GRID2: variants seen among roughly 807,000 people sequenced by gnomAD.
GRID2 encodes the protein glutamate receptor ionotropic, delta-2.
GRID2 carries 33 observed loss-of-function variants against 114.8 expected under a neutral mutation model. The ratio of observed to expected loss-of-function variants is 0.29; its 90% CI spans 0.22 to 0.38. GRID2 has a LOEUF of 0.38. Among genes scored for constraint, GRID2 ranks in the 10% least tolerant of loss-of-function variants. GRID2 has a pLI of 1.00. For synonymous variants in GRID2, 505 were observed against 449.9 expected, an observed-to-expected ratio of 1.12 and a Z score of -1.55; for missense variants, 1,184 against 1,257.7, an observed-to-expected ratio of 0.94 and a Z score of 0.89.
Position 93,644,169 on chromosome 4 carries a change from G to A in GRID2, c.2360+17734G>A, listed in dbSNP as rs957562608. ...TGAGGCAATGCCTCGCCCTGCTTCG[G>A]CTCGCGCACGGTGCGCACACACACT... On this transcript the variant is annotated intron_variant, in intron 14 of 15. Coordinates refer to ENST00000282020, the MANE Select transcript of GRID2 (RefSeq NM_001510.4). Among the ~76,000 whole-genome samples the A allele has an allele frequency of 3.4e-5, 3 of 88,464 alleles. 1 individual carries two copies. Among genetic ancestry groups the A allele is most frequent in the Non-Finnish European group, 6.5e-5 (3 of 45,954 alleles). The allele number at this position is 88,464 out of a possible 152,430, so 58.0% of individuals were successfully genotyped here.
At chr4:93,569,657 A>G (rs187035562) in intron 13 of GRID2, among the ~76,000 whole-genome samples, 4 of 152,322 alleles carry the variant, frequency 2.6e-5, no homozygotes, top group Admixed American at 2.6e-4. Flanking sequence ...TTACATTCTC[A>G]GGTCCCTACC....
At chr4:93,332,287 T>TGAGAGA (rs1201414685) in intron 8 of GRID2, among the ~76,000 whole-genome samples, 1 of 119,340 alleles carries the variant, frequency 8.4e-6, no homozygotes, top group African/African-American at 4.1e-5. Flanking sequence ...TGTGTGTGTG[T>TGAGAGA]GTGTGTGTGT....
At chr4:93,382,242 A>G (rs1196504535) in intron 8 of GRID2, among the ~76,000 whole-genome samples, 1 of 151,892 alleles carries the variant, frequency 6.6e-6, no homozygotes, top group East Asian at 1.9e-4. Flanking sequence ...TTGTATTTAG[A>G]GTTTACTGAG....
intron 2 of GRID2, among the ~76,000 whole-genome samples, chr4:92,669,510 C>A (rs780415693): frequency 6.6e-6 from 1 of 151,902 alleles, no homozygotes; most frequent in Non-Finnish European, 1.5e-5. Context: ...CTCTGACTTG[C>A]TGGGAAACAG....
chr4:92,827,675 A>C lies in GRID2; in HGVS notation c.244+237389A>C, dbSNP rs190747722. Among the ~76,000 whole-genome samples, 97 of 152,194 alleles carry C rather than the reference A, an allele frequency of 6.4e-4. 1 individual carries two copies. Among genetic ancestry groups the C allele is most frequent in the Non-Finnish European group, 9.9e-4 (67 of 67,964 alleles). The stretch of plus-strand genomic sequence containing the variant: ...GACTCACACTTAATTGTTGCATCTG[A>C]TGCCCTTAAGAGGGTACAAAGCAGT... On this transcript the variant is annotated intron_variant, in intron 2 of 15. Coordinates refer to ENST00000282020, the MANE Select transcript of GRID2 (RefSeq NM_001510.4).
At chr4:93,579,025 T>C (rs879315254) in intron 13 of GRID2, among the ~76,000 whole-genome samples, 1 of 152,228 alleles carries the variant, frequency 6.6e-6, no homozygotes, top group Non-Finnish European at 1.5e-5. Flanking sequence ...AGAAAATGTC[T>C]TTCCACTAGC....
At chr4:93,376,282 T>G (rs1763375091) in intron 8 of GRID2, among the ~76,000 whole-genome samples, 1 of 152,108 alleles carries the variant, frequency 6.6e-6, no homozygotes, top group Non-Finnish European at 1.5e-5. Context: ...AGACAAACAT[T>G]ATACACCTGC....
intron 4 of GRID2, among the ~76,000 whole-genome samples, chr4:93,150,362 A>T (rs929075566): frequency 6.6e-6 from 1 of 152,208 alleles, no homozygotes; most frequent in African/African-American, 2.4e-5. Context: ...CACACTGTAC[A>T]TAAATACACA....
At chr4:93,518,591 A>G (rs999038165) in intron 13 of GRID2, among the ~76,000 whole-genome samples, 3 of 152,148 alleles carry the variant, frequency 2.0e-5, no homozygotes, top group South Asian at 2.1e-4. Flanking sequence ...AACAATAAAC[A>G]AAATAAACAA....
chr4:93,722,972 C>G (rs1729521981), intron 14 of GRID2, among the ~76,000 whole-genome samples: 1 of 152,202 alleles, frequency 6.6e-6, no homozygotes, highest in African/African-American at 2.4e-5. Flanking sequence ...TCCAACTTCT[C>G]TGTGTTCTGG....
chr4:92,399,283 A>G (rs1345792300), intron 1 of GRID2, among the ~76,000 whole-genome samples: 1 of 152,098 alleles, frequency 6.6e-6, no homozygotes, highest in Non-Finnish European at 1.5e-5. Flanking sequence ...TTTGTGCTCC[A>G]TTGACTGCCT....
chr4:92,466,522 A>T (rs929206663), intron 1 of GRID2, among the ~76,000 whole-genome samples: 8 of 151,896 alleles, frequency 5.3e-5, no homozygotes, highest in Admixed American at 4.6e-4. Flanking sequence ...CCCCATACAT[A>T]CATACACCTA....
intron 2 of GRID2, among the ~76,000 whole-genome samples, chr4:92,814,079 G>A (rs1175001584): frequency 6.6e-6 from 1 of 151,976 alleles, no homozygotes; most frequent in African/African-American, 2.4e-5. Context: ...AGTCCATGAA[G>A]CATTTTACTG....
At chr4:92,989,276 C>CAAAAAA (rs1182397768) in intron 2 of GRID2, among the ~76,000 whole-genome samples, 77 of 74,204 alleles carry the variant, frequency 1.0e-3, no homozygotes, top group Non-Finnish European at 1.3e-3. Context: ...GACTCCATCT[C>CAAAAAA]AAAAAAAAAA....
chr4:93,357,832 C>CT (rs1354491020), intron 8 of GRID2, among the ~76,000 whole-genome samples: 2 of 151,502 alleles, frequency 1.3e-5, no homozygotes, highest in African/African-American at 4.8e-5. Context: ...TCCTTCCCAC[C>CT]TTTTTGTATA....
intron 1 of GRID2, among the ~76,000 whole-genome samples, chr4:92,327,719 CA>C (rs1726672484): frequency 6.6e-6 from 1 of 151,902 alleles, no homozygotes; most frequent in African/African-American, 2.4e-5. Flanking sequence ...ATTTTTAGAA[CA>C]TATGTTTCAA....
chr4:93,277,033 T>G (rs576195278), intron 8 of GRID2, among the ~76,000 whole-genome samples: 3 of 152,002 alleles, frequency 2.0e-5, no homozygotes, highest in African/African-American at 7.2e-5. Flanking sequence ...AAGCTTATTA[T>G]CTAGTGGAAA....
intron 2 of GRID2, among the ~76,000 whole-genome samples, chr4:92,784,425 G>T (rs574224514): frequency 1.3e-5 from 2 of 151,696 alleles, no homozygotes; most frequent in Non-Finnish European, 2.9e-5. Context: ...TATACAATTT[G>T]TGAAAGTTAT....
intron 2 of GRID2, among the ~76,000 whole-genome samples, chr4:92,952,887 A>C (rs1752133825): frequency 6.6e-6 from 1 of 152,218 alleles, no homozygotes; most frequent in Non-Finnish European, 1.5e-5. Context: ...TTAGAGCGAG[A>C]AGTGAAAAAT....
Sources: allele counts gnomAD v4.1 joint callset (sites outside exome capture counted in the v4.1 genomes callset), GRCh38; gene constraint gnomAD v4.1.1; transcripts MANE v1.5; gene names NCBI Gene and HGNC (gene_info 2026-07-23, HGNC 2026-07-21).